ZNF827: variants seen among roughly 807,000 people sequenced by gnomAD.
ZNF827 encodes the protein zinc finger protein 827.
Under a neutral mutation model 102.4 loss-of-function variants are expected in ZNF827, and 13 were observed. That is an observed-to-expected ratio of 0.13 (90% confidence interval 0.08 to 0.20). The LOEUF (loss-of-function observed/expected upper bound fraction) is 0.20. ZNF827 is among the 10% of genes least tolerant of loss of function. ZNF827 has a pLI of 1.00. For missense variants in ZNF827, 1,103 were observed against 1,344.4 expected, an observed-to-expected ratio of 0.82 and a Z score of 2.81; for synonymous variants, 523 against 536.2, an observed-to-expected ratio of 0.98 and a Z score of 0.34.
At chr4:145,916,270 T>A (rs1183431061) in intron 1 of ZNF827, among the ~76,000 whole-genome samples, 1 of 152,210 alleles carries the variant, frequency 6.6e-6, no homozygotes, top group Non-Finnish European at 1.5e-5. Flanking sequence ...GGAAGCCATA[T>A]GCCCACAGCT....
intron 1 of ZNF827, among the ~76,000 whole-genome samples, chr4:145,914,169 A>T (rs974191005): frequency 2.0e-5 from 3 of 152,162 alleles, no homozygotes; most frequent in Non-Finnish European, 4.4e-5. Context: ...AAAACTTCAT[A>T]CAGTAAGTCC....
intron 1 of ZNF827, among the ~76,000 whole-genome samples, chr4:145,914,062 G>GACACACACACACACACAC (rs34866639): frequency 1.4e-5 from 2 of 148,110 alleles, no homozygotes; most frequent in African/African-American, 5.0e-5. Flanking sequence ...TTTCTTTGTA[G>GACACACACACACACACAC]ACACACACAC....
At chr4:145,775,278 G>T (rs1252513639) in intron 10 of ZNF827, among the ~76,000 whole-genome samples, 4 of 152,128 alleles carry the variant, frequency 2.6e-5, no homozygotes, top group African/African-American at 9.7e-5. Flanking sequence ...AAACTTGGGG[G>T]TTTTATGGCA....
chr4:145,869,818 C>T (rs1561020606), intron 5 of ZNF827, among the ~76,000 whole-genome samples: 1 of 152,090 alleles, frequency 6.6e-6, no homozygotes, highest in Non-Finnish European at 1.5e-5. Context: ...ATCTCAAATG[C>T]TTATGAAGTT....
intron 5 of ZNF827, among the ~76,000 whole-genome samples, chr4:145,857,082 A>C (rs919211206): frequency 6.6e-6 from 1 of 152,234 alleles, no homozygotes; most frequent in African/African-American, 2.4e-5. Context: ...CAAAATCATA[A>C]AGTAACCAAC....
At position 145,775,796 on chromosome 4, in the gene ZNF827, A is replaced by G; in HGVS notation, c.2686T>C (p.Tyr896His). The G allele has an allele frequency of 1.2e-6, 2 of 1,614,178 alleles. No homozygotes were observed. The highest frequency in any genetic ancestry group is 1.1e-5 in the South Asian group (1 of 91,080). Residue 896 changes from tyrosine (Y) to histidine (H), a missense_variant, in exon 10 of 15, where the codon TAT (tyrosine) becomes CAT (histidine). Tyr to His is a moderately conservative substitution (Grantham distance 83). Transcript: ENST00000508784. ...EGSDGKKHPY[Y>H]YSCHVCGFET... ...GTTCCATCTGCAACTCACCTGTAAT[A>G]ATAAGGATGTTTCTTCCCATCACTG...
At chr4:145,862,414 G>A (rs899275757) in intron 5 of ZNF827, among the ~76,000 whole-genome samples, 12 of 152,170 alleles carry the variant, frequency 7.9e-5, no homozygotes, top group African/African-American at 2.9e-4. Context: ...TTCCCTGTTT[G>A]TGTAACATAT....
In ZNF827 at chr4:145,775,775, C is replaced by T; in HGVS notation, c.2693+14G>A. On this transcript the variant is annotated intron_variant, in intron 10 of 14. Transcript: ENST00000508784. ...CTGAGAAAGGCGGACTAGCATGTTC[C>T]ATCTGCAACTCACCTGTAATAATAA... 2 of 1,614,018 alleles carry T rather than the reference C, an allele frequency of 1.2e-6. No individual in the cohort carries two copies. Among genetic ancestry groups the T allele is most frequent in the Non-Finnish European group, 1.7e-6 (2 of 1,179,934 alleles).
Position 145,779,401 on chromosome 4 carries a change from A to G in ZNF827, c.2494T>C (p.Leu832=), listed in dbSNP as rs371852674. Residue 832 remains leucine (L), a synonymous_variant, in exon 9 of 15, where the codon TTG becomes CTG. Coordinates refer to ENST00000508784, the MANE Select transcript of ZNF827 (RefSeq NM_001306215.2). ...CGKVFGRQQT[L]SRHLSLHTEE... The stretch of plus-strand genomic sequence containing the variant: ...GTGTGCAGCGAGAGGTGTCGGGACA[A>G]TGTCTGCTGTCGGCCAAACACTTTC... 232 of 1,614,090 alleles carry G rather than the reference A, an allele frequency of 1.4e-4. No individual in the cohort carries two copies. Among genetic ancestry groups the G allele is most frequent in the Non-Finnish European group, 6.2e-5 (73 of 1,180,036 alleles).
At chr4:145,824,284 G>A (rs1044341856) in intron 7 of ZNF827, among the ~76,000 whole-genome samples, 2 of 152,212 alleles carry the variant, frequency 1.3e-5, no homozygotes, top group South Asian at 4.2e-4. Flanking sequence ...ACTCTAACTC[G>A]GTCACAGGGT....
intron 1 of ZNF827, among the ~76,000 whole-genome samples, chr4:145,931,688 T>C (rs1339364346): frequency 6.6e-6 from 1 of 152,222 alleles, no homozygotes; most frequent in African/African-American, 2.4e-5. Context: ...TGTTTTTCCT[T>C]GTCCTGTCCT....
chr4:145,829,563 T>C (rs1379338973), intron 7 of ZNF827, among the ~76,000 whole-genome samples: 1 of 152,228 alleles, frequency 6.6e-6, no homozygotes, highest in Non-Finnish European at 1.5e-5. Flanking sequence ...TTTTCTTTTG[T>C]GTTACTTTAA....
chr4:145,827,550 C>G (rs1049817214), intron 7 of ZNF827, among the ~76,000 whole-genome samples: 4 of 152,174 alleles, frequency 2.6e-5, no homozygotes, highest in African/African-American at 7.2e-5. Context: ...CCTGTCTCTG[C>G]TATTAACTGT....
intron 2 of ZNF827, among the ~76,000 whole-genome samples, chr4:145,893,476 G>A (rs1750758964): frequency 6.6e-6 from 1 of 152,196 alleles, no homozygotes; most frequent in South Asian, 2.1e-4. Context: ...TACAGACGAT[G>A]ATATAAAAAC....
intron 7 of ZNF827, among the ~76,000 whole-genome samples, chr4:145,833,650 T>G (rs1206336803): frequency 6.6e-6 from 1 of 151,556 alleles, no homozygotes; most frequent in Admixed American, 6.6e-5. Flanking sequence ...CCCCAACCTC[T>G]TATCTCTGTG....
chr4:145,856,150 A>G (rs767431432), intron 5 of ZNF827, among the ~76,000 whole-genome samples: 11 of 152,056 alleles, frequency 7.2e-5, no homozygotes, highest in Non-Finnish European at 1.5e-4. Context: ...TTGCGCCACC[A>G]TGCACGGCTA....
chr4:145,869,539 C>T lies in ZNF827; in HGVS notation c.1981+706G>A, dbSNP rs72954684. On this transcript the variant is annotated intron_variant, in intron 5 of 14. Transcript: ENST00000508784. ...CTTTTTTTTCCATGTTCTGAAAGTCCTATCTTTGAATTGAAAAGACATTAT... is the reference window on the plus strand; with the variant it reads ...CTTTTTTTTCCATGTTCTGAAAGTCTTATCTTTGAATTGAAAAGACATTAT... Among the ~76,000 whole-genome samples the T allele has an allele frequency of 9.6e-3, 1,467 of 152,122 alleles. 26 individuals carry two copies. The highest frequency in any genetic ancestry group is 0.033 in the African/African-American group (1,352 of 41,488).
chr4:145,822,040 G>A (rs1743191474), intron 8 of ZNF827, among the ~76,000 whole-genome samples: 1 of 152,134 alleles, frequency 6.6e-6, no homozygotes, highest in Non-Finnish European at 1.5e-5. Flanking sequence ...CAATAATTTT[G>A]GGACCAGGGA....
chr4:145,845,828 T>G (rs933908502), intron 7 of ZNF827, 128 bp downstream of exon 7: 9 of 844,606 alleles, frequency 1.1e-5, no homozygotes, highest in Non-Finnish European at 1.3e-5. Flanking sequence ...TGGTAGAACA[T>G]GGTGGTAAAG....
Sources: gnomAD v4.1 joint callset for allele counts (sites outside exome capture counted in the v4.1 genomes callset) on GRCh38, gnomAD v4.1.1 for gene constraint, MANE v1.5 for transcripts, NCBI Gene and HGNC (gene_info 2026-07-23, HGNC 2026-07-21) for gene names.